The following LGR4 variants were observed in gnomAD, a reference collection of about 807,000 sequenced individuals.
LGR4 encodes the protein leucine-rich repeat-containing G protein-coupled receptor 4.
Under a neutral mutation model 84.8 loss-of-function variants are expected in LGR4, and 44 were observed. The observed-to-expected ratio is 0.52, with a 90% CI of 0.41 to 0.67. The LOEUF (loss-of-function observed/expected upper bound fraction) is 0.67, where lower values mean the gene tolerates loss of function less well. Among genes scored for constraint, LGR4 ranks in the 30% least tolerant of loss-of-function variants. The probability of loss-of-function intolerance (pLI) is 0.00; values close to 1 mark genes in which losing one functional copy is unlikely to be tolerated. For synonymous variants in LGR4, 429 were observed against 434.3 expected, an observed-to-expected ratio of 0.99 and a Z score of 0.15; for missense variants, 1,032 against 1,131.4, an observed-to-expected ratio of 0.91 and a Z score of 1.26.
At chr11:27,418,553 T>C (rs1863864184) in intron 1 of LGR4, among the ~76,000 whole-genome samples, 1 of 152,262 alleles carries the variant, frequency 6.6e-6, no homozygotes, top group East Asian at 1.9e-4. Flanking sequence ...ATCCAAAACA[T>C]GCTTCTCTAC....
At chr11:27,405,808 T>C (rs190927436) in intron 2 of LGR4, among the ~76,000 whole-genome samples, 29 of 152,254 alleles carry the variant, frequency 1.9e-4, no homozygotes, top group African/African-American at 6.7e-4. Context: ...TGGATTCTCA[T>C]AATTCTCACC....
At position 27,366,046 on chromosome 11, in the gene LGR4, A is replaced by G. The variant is rs1046076876; in HGVS notation, c.*1821T>C. ...ATAGCACAAAGATTAACACTTTTAT[A>G]TATCTGTTATTCTAGTTTTTAAATG... is the stretch of plus-strand genomic sequence containing the variant. On this transcript the variant is annotated 3_prime_UTR_variant, in exon 18 of 18. Transcript: ENST00000379214. 1 of 152,684 alleles carries G rather than the reference A, an allele frequency of 6.5e-6. No individual in the cohort carries two copies. The highest frequency in any genetic ancestry group is 1.5e-5 in the Non-Finnish European group (1 of 67,976). The allele number at this position is 152,684 out of a possible 1,614,324, so 9.5% of individuals were successfully genotyped here.
chr11:27,442,569 A>G (rs932632050), intron 1 of LGR4, among the ~76,000 whole-genome samples: 3 of 152,212 alleles, frequency 2.0e-5, no homozygotes, highest in Admixed American at 1.3e-4. Context: ...TGTTATTACC[A>G]CTATGTTGTC....
At chr11:27,391,036 A>T in intron 4 of LGR4, 58 bp downstream of exon 4, 2 of 943,380 alleles carry the variant, frequency 2.1e-6, no homozygotes, top group Non-Finnish European at 3.3e-6. Context: ...CTAGTTATTT[A>T]CATCTTTAAC....
At chr11:27,389,913 T>A (rs1322953535) in intron 4 of LGR4, among the ~76,000 whole-genome samples, 1 of 152,164 alleles carries the variant, frequency 6.6e-6, no homozygotes, top group Non-Finnish European at 1.5e-5. Flanking sequence ...TTATGTTCCA[T>A]AACTTACCAT....
intron 1 of LGR4, among the ~76,000 whole-genome samples, chr11:27,470,955 T>C (rs1447828738): frequency 6.6e-6 from 1 of 152,120 alleles, no homozygotes; most frequent in Non-Finnish European, 1.5e-5. Context: ...AAACTGTCTA[T>C]TTCTAAGAGG....
intron 1 of LGR4, among the ~76,000 whole-genome samples, chr11:27,447,716 C>T (rs1281781704): frequency 3.9e-5 from 6 of 152,202 alleles, no homozygotes; most frequent in Non-Finnish European, 7.4e-5. Flanking sequence ...CTGTGGTCTC[C>T]GAGGCTGAAC....
intron 1 of LGR4, among the ~76,000 whole-genome samples, chr11:27,415,651 C>G (rs149862198): frequency 1.0e-3 from 152 of 152,118 alleles, no homozygotes; most frequent in African/African-American, 3.6e-3. Context: ...TTTCACACAC[C>G]CGGAGAAGTT....
chr11:27,380,345 T>A lies in LGR4; in HGVS notation c.903-6A>T, dbSNP rs1863069196. The stretch of plus-strand genomic sequence containing the variant: ...TGCTTGCACCACGAATGACTCTTTA[T>A]GAAATTGAGAAAGACAAGGTAATTT... On this transcript the variant is annotated splice_region_variant and splice_polypyrimidine_tract_variant and intron_variant, in intron 9 of 17. Transcript: ENST00000379214. 1 of 1,600,592 alleles carries A rather than the reference T, an allele frequency of 6.2e-7. No individual in the cohort carries two copies. Among genetic ancestry groups the A allele is most frequent in the South Asian group, 1.1e-5 (1 of 88,686 alleles).
chr11:27,469,811 C>T (rs1299087868), intron 1 of LGR4, among the ~76,000 whole-genome samples: 3 of 152,126 alleles, frequency 2.0e-5, no homozygotes, highest in Middle Eastern at 3.2e-3. Context: ...AGTAAAGCTG[C>T]GATGGGAGAG....
At chr11:27,447,679 T>C (rs1400349613) in intron 1 of LGR4, among the ~76,000 whole-genome samples, 1 of 152,204 alleles carries the variant, frequency 6.6e-6, no homozygotes, top group African/African-American at 2.4e-5. Context: ...TCTTATTGAA[T>C]TCCTTCCTGT....
chr11:27,413,744 A>G (rs1424196823), intron 1 of LGR4, among the ~76,000 whole-genome samples: 7 of 152,262 alleles, frequency 4.6e-5, no homozygotes, highest in Middle Eastern at 3.4e-3. Flanking sequence ...CACATGTAGG[A>G]CATGTCCATT....
intron 2 of LGR4, among the ~76,000 whole-genome samples, chr11:27,393,973 A>C (rs1863338880): frequency 6.6e-6 from 1 of 150,440 alleles, no homozygotes; most frequent in Non-Finnish European, 1.5e-5. Flanking sequence ...GGGGACAGAA[A>C]AGCAAACAGC....
intron 1 of LGR4, among the ~76,000 whole-genome samples, chr11:27,430,292 T>C (rs1027534042): frequency 2.6e-5 from 4 of 152,048 alleles, no homozygotes; most frequent in Non-Finnish European, 4.4e-5. Context: ...GTTGAGTCAC[T>C]ACATGCCAAC....
At chr11:27,409,562 C>A (rs1863671810) in intron 2 of LGR4, among the ~76,000 whole-genome samples, 1 of 152,090 alleles carries the variant, frequency 6.6e-6, no homozygotes, top group African/African-American at 2.4e-5. Context: ...AAACCCTAGT[C>A]TCATTCCTAT....
At chr11:27,373,380 G>C in intron 15 of LGR4, 171 bp downstream of exon 15, 1 of 546,100 alleles carries the variant, frequency 1.8e-6, no homozygotes, top group Non-Finnish European at 3.1e-6. Flanking sequence ...AAAGACTGTG[G>C]AATAATGTTC....
chr11:27,416,822 T>C (rs1441481079), intron 1 of LGR4, among the ~76,000 whole-genome samples: 3 of 152,238 alleles, frequency 2.0e-5, no homozygotes, highest in Admixed American at 6.5e-5. Flanking sequence ...AACTGTTTAA[T>C]TGAAACTGCC....
intron 1 of LGR4, among the ~76,000 whole-genome samples, chr11:27,470,544 T>C (rs1864851939): frequency 6.6e-6 from 1 of 152,176 alleles, no homozygotes; most frequent in Non-Finnish European, 1.5e-5. Flanking sequence ...TAAACGTTTC[T>C]AGAGAACTTG....
intron 12 of LGR4, among the ~76,000 whole-genome samples, chr11:27,376,797 C>T (rs2133365672): frequency 1.3e-5 from 2 of 152,228 alleles, no homozygotes; most frequent in South Asian, 4.2e-4. Flanking sequence ...TTAATGCCTC[C>T]CCCTTCCCAT....
Sources: allele counts gnomAD v4.1 joint callset (sites outside exome capture counted in the v4.1 genomes callset), GRCh38; gene constraint gnomAD v4.1.1; transcripts MANE v1.5; gene names NCBI Gene and HGNC (gene_info 2026-07-23, HGNC 2026-07-21).